RTN4RL1: variants seen among roughly 807,000 people sequenced by gnomAD.
RTN4RL1 encodes reticulon 4 receptor like 1, also known as reticulon-4 receptor-like 1.
In RTN4RL1, 7 loss-of-function variants were observed where a neutral mutation model predicts 25.6. That is an observed-to-expected ratio of 0.27 (90% CI 0.16 to 0.51). The LOEUF (loss-of-function observed/expected upper bound fraction) is 0.51, where lower values mean the gene tolerates loss of function less well. Among genes scored for constraint, RTN4RL1 ranks in the 20% least tolerant of loss-of-function variants. The pLI is 0.97. For missense variants in RTN4RL1, 500 were observed against 615.6 expected (o/e 0.81, Z 1.99); for synonymous variants, 297 against 288.2 (o/e 1.03, Z -0.31).
chr17:2,007,275 C>T (rs1271119225), intron 1 of RTN4RL1, among the ~76,000 whole-genome samples: 3 of 151,204 alleles, frequency 2.0e-5, no homozygotes, highest in African/African-American at 7.3e-5. Context: ...CTCTGTACAC[C>T]TTCCTCCTCT....
At chr17:1,988,600 C>T (rs117489659) in intron 1 of RTN4RL1, among the ~76,000 whole-genome samples, 13 of 152,126 alleles carry the variant, frequency 8.5e-5, no homozygotes, top group Admixed American at 2.6e-4. Flanking sequence ...CTCTCTCCAC[C>T]GCATCCCTAG....
At position 1,936,310 on chromosome 17, in the gene RTN4RL1, C is replaced by T. The variant is rs539263589; in HGVS notation, c.*186G>A. On this transcript the variant is annotated 3_prime_UTR_variant, in exon 2 of 2. Coordinates refer to ENST00000331238, the MANE Select transcript of RTN4RL1 (RefSeq NM_178568.4). ...CCGGCTGAGAAGCGCCACCCCCTCCCGCCTAGGGCTGTACACTTTGGGTTT... is the reference window on the plus strand; with the variant it reads ...CCGGCTGAGAAGCGCCACCCCCTCCTGCCTAGGGCTGTACACTTTGGGTTT... 82 of 1,379,826 alleles carry T rather than the reference C, an allele frequency of 5.9e-5. No individual in the cohort carries two copies. The highest frequency in any genetic ancestry group is 5.7e-4 in the African/African-American group (38 of 66,518). The allele number at this position is 1,379,826 out of a possible 1,614,324, so 85.5% of individuals were successfully genotyped here.
rs1248173584 is a variant in RTN4RL1 at position 1,969,546 on chromosome 17, GCCGCCA to G, written c.14-31744_14-31739del. On this transcript the variant is annotated intron_variant, in intron 1 of 1. Transcript: ENST00000331238. ...TGGATGAGCTGCTTCCCCTTAGCCA[GCCGCCA>G]GCTTCCCTAAGCGAACAGCCTCCAG... is the stretch of plus-strand genomic sequence containing the variant. Among the ~76,000 whole-genome samples the G allele has an allele frequency of 2.0e-5, 3 of 152,306 alleles. No homozygotes were observed. The East Asian group carries it at 5.8e-4, about 29-fold the overall frequency.
rs765937708 is a variant in RTN4RL1 at position 1,936,577 on chromosome 17, C to T, written c.1245G>A (p.Gly415=). Reference sequence around the variant, plus strand: ...AACTGGCCGAGGAGGCCTGCTGCACCCCGCTGGGGGCACGGATGGGGGTCC... The same window carrying T: ...AACTGGCCGAGGAGGCCTGCTGCACTCCGCTGGGGGCACGGATGGGGGTCC... ...ARRTPIRAPS[G]VQQASSASSL... is the part of the protein sequence containing the mutation. Residue 415 remains glycine, a synonymous_variant, in exon 2 of 2, where the codon GGG becomes GGA. Transcript: ENST00000331238. 1.8e-5 allele frequency: 28 copies of T among 1,571,138 alleles called. No homozygotes were observed. The highest frequency in any genetic ancestry group is 1.2e-4 in the South Asian group (10 of 85,782).
chr17:2,001,927 T>TGGGGGGGGGG (rs1555520650), intron 1 of RTN4RL1, among the ~76,000 whole-genome samples: 10 of 146,154 alleles, frequency 6.8e-5, no homozygotes, highest in African/African-American at 1.8e-4. Context: ...ACTTCAGCCC[T>TGGGGGGGGGG]GGGGGAGGGG....
chr17:1,968,910 C>CAGTG (rs1275593873), intron 1 of RTN4RL1, among the ~76,000 whole-genome samples: 1 of 152,200 alleles, frequency 6.6e-6, no homozygotes, highest in Non-Finnish European at 1.5e-5. Context: ...CACAAATGGA[C>CAGTG]AGTGCCAGGC....
rs1211351597 is a variant in RTN4RL1, at chr17:1,937,290, G to C, written c.532C>G (p.Leu178Val). The C allele has an allele frequency of 6.2e-7, 1 of 1,613,104 alleles. No individual in the cohort carries two copies. The highest frequency in any genetic ancestry group is 2.2e-5 in the East Asian group (1 of 44,872). Reference sequence around the variant, plus strand: ...CACAGCTTGTTGCCGTGGAGAAACAGGTGGCTGAGGTTGACCAGGTCCACG... The same window carrying C: ...CACAGCTTGTTGCCGTGGAGAAACACGTGGCTGAGGTTGACCAGGTCCACG... ...IFVDLVNLSH[L>V]FLHGNKLWSL... Residue 178 changes from leucine to valine, a missense_variant, in exon 2 of 2, where the codon CTG becomes GTG. By Grantham distance (32) the Leu-to-Val change is conservative. Transcript: ENST00000331238.
intron 1 of RTN4RL1, among the ~76,000 whole-genome samples, chr17:1,950,251 C>T (rs754251292): frequency 6.6e-6 from 1 of 151,864 alleles, no homozygotes; most frequent in African/African-American, 2.4e-5. Flanking sequence ...CTGAATGGAC[C>T]GGACAGATGC....
At chr17:1,999,370 C>T (rs2066945838) in intron 1 of RTN4RL1, among the ~76,000 whole-genome samples, 1 of 151,920 alleles carries the variant, frequency 6.6e-6, no homozygotes, top group Non-Finnish European at 1.5e-5. Context: ...CACTTGAACC[C>T]GGGAGGAGGA....
At chr17:2,008,659 A>G (rs1408779183) in intron 1 of RTN4RL1, among the ~76,000 whole-genome samples, 1 of 152,144 alleles carries the variant, frequency 6.6e-6, no homozygotes, top group Admixed American at 6.5e-5. Context: ...GCTTTGCAAC[A>G]GTTGGGCTCC....
At chr17:1,976,218 T>C (rs899085139) in intron 1 of RTN4RL1, among the ~76,000 whole-genome samples, 1 of 152,196 alleles carries the variant, frequency 6.6e-6, no homozygotes, top group Middle Eastern at 3.2e-3. Flanking sequence ...ACAGGAGTCT[T>C]GCTGAGCCAC....
chr17:1,944,618 G>A (rs7502091), intron 1 of RTN4RL1, among the ~76,000 whole-genome samples: 25,870 of 151,832 alleles, frequency 0.17, 2,361 homozygotes, highest in Admixed American at 0.19. Context: ...CACCACACCC[G>A]GCTAATTTTT....
In RTN4RL1 at chr17:1,937,504, G is replaced by T; in HGVS notation, c.318C>A (p.Asp106Glu). 1 of 1,613,962 alleles carries T rather than the reference G, an allele frequency of 6.2e-7. No individual in the cohort carries two copies. Among genetic ancestry groups the T allele is most frequent in the Non-Finnish European group, 8.5e-7 (1 of 1,179,882 alleles). ...TCCGCAGCTGCCGGTTGTCGCCGAGGTCCAGCTCCTCCAGGTGCACGAAGC... is the reference window on the plus strand; with the variant it reads ...TCCGCAGCTGCCGGTTGTCGCCGAGTTCCAGCTCCTCCAGGTGCACGAAGC... Reference protein sequence around the residue: ...FEGFVHLEELDLGDNRQLRTL... With the variant: ...FEGFVHLEELELGDNRQLRTL... Residue 106 changes from aspartate (D) to glutamate (E), a missense_variant, in exon 2 of 2, where the codon GAC becomes GAA. Around this residue, in one of 2 missense-constraint regions of RTN4RL1, gnomAD observed 232 missense variants for 341.1 expected, o/e 0.68. Transcript: ENST00000331238.
chr17:1,944,155 G>A (rs9895428), intron 1 of RTN4RL1, among the ~76,000 whole-genome samples: 3 of 151,522 alleles, frequency 2.0e-5, no homozygotes, highest in African/African-American at 2.4e-5. Context: ...GAACTCCTGG[G>A]CTCGGCCTCC....
chr17:2,017,110 G>C (rs563350706), intron 1 of RTN4RL1, among the ~76,000 whole-genome samples: 6 of 152,292 alleles, frequency 3.9e-5, no homozygotes, highest in Admixed American at 3.3e-4. Flanking sequence ...AGGGCCTCAT[G>C]AATCTCTCAA....
At chr17:1,980,720 G>A (rs2066863375) in intron 1 of RTN4RL1, among the ~76,000 whole-genome samples, 1 of 151,682 alleles carries the variant, frequency 6.6e-6, no homozygotes, top group African/African-American at 2.4e-5. Context: ...CTGAGGTCAG[G>A]AGTTCAAGAC....
intron 1 of RTN4RL1, among the ~76,000 whole-genome samples, chr17:1,965,022 C>T (rs1171580734): frequency 2.7e-5 from 4 of 150,738 alleles, no homozygotes; most frequent in East Asian, 4.0e-4. Flanking sequence ...CTCCTGACAT[C>T]GTGATCCGCC....
At chr17:2,018,896 G>C (rs889625953) in intron 1 of RTN4RL1, 2 of 152,396 alleles carry the variant, frequency 1.3e-5, no homozygotes. Context: ...GGCAGGTGGG[G>C]AAGAGCAGGT....
intron 1 of RTN4RL1, among the ~76,000 whole-genome samples, chr17:1,981,470 A>G (rs1340172432): frequency 6.6e-6 from 1 of 152,200 alleles, no homozygotes; most frequent in African/African-American, 2.4e-5. Flanking sequence ...CAGAGACTTT[A>G]GGGAAAGGGG....
Sources: allele counts gnomAD v4.1 joint callset (sites outside exome capture counted in the v4.1 genomes callset), GRCh38; gene constraint gnomAD v4.1.1; regional missense constraint gnomAD v4.1.1; transcripts MANE v1.5; gene names NCBI Gene and HGNC (gene_info 2026-07-23, HGNC 2026-07-21).